The following DGKB variants were observed in gnomAD, a reference collection of about 807,000 sequenced individuals.
DGKB encodes 90 kDa diacylglycerol kinase.
Under a neutral mutation model 114.3 loss-of-function variants are expected in DGKB, and 67 were observed. That is an observed-to-expected ratio of 0.59 (90% CI 0.48 to 0.72). The LOEUF (loss-of-function observed/expected upper bound fraction) is 0.72. Ranked by LOEUF, DGKB falls within the 30% of genes least tolerant of loss-of-function variation. The probability of loss-of-function intolerance (pLI) is 0.00; values close to 1 mark genes in which losing one functional copy is unlikely to be tolerated. For synonymous variants in DGKB, 398 were observed against 323.1 expected (o/e 1.23, Z -2.49); for missense variants, 907 against 975.2 (o/e 0.93, Z 0.93).
chr7:14,779,209 G>A (rs1245838853), intron 2 of DGKB, among the ~76,000 whole-genome samples: 1 of 152,036 alleles, frequency 6.6e-6, no homozygotes, highest in Non-Finnish European at 1.5e-5. Flanking sequence ...AAGACACATA[G>A]TTGCCCTGTT....
Position 14,828,957 on chromosome 7 carries a change from C to T in DGKB, c.70+12237G>A, listed in dbSNP as rs141544621. Among the ~76,000 whole-genome samples, 20 of 152,110 alleles carry T rather than the reference C, an allele frequency of 1.3e-4. 1 individual carries two copies. The highest frequency in any genetic ancestry group is 2.5e-4 in the Non-Finnish European group (17 of 67,990). On this transcript the variant is annotated intron_variant, in intron 2 of 25. Transcript: ENST00000402815. ...ACACATGTGGAGCCAGAACTTGCAA[C>T]CAGACTAATGTTGCTAAGCAAGAAT...
At chr7:14,498,976 A>G (rs1785712596) in intron 20 of DGKB, among the ~76,000 whole-genome samples, 1 of 151,676 alleles carries the variant, frequency 6.6e-6, no homozygotes, top group African/African-American at 2.4e-5. Flanking sequence ...GAAAGTATGA[A>G]GGTAAAGAGT....
At chr7:14,455,037 G>A (rs1028727792) in intron 21 of DGKB, among the ~76,000 whole-genome samples, 1 of 152,006 alleles carries the variant, frequency 6.6e-6, no homozygotes, top group Non-Finnish European at 1.5e-5. Context: ...GACATCAGAA[G>A]TGTCTCCTGG....
At chr7:14,929,578 C>A (rs1001188682) in intron 1 of DGKB, among the ~76,000 whole-genome samples, 1 of 151,676 alleles carries the variant, frequency 6.6e-6, no homozygotes, top group African/African-American at 2.4e-5. Flanking sequence ...TTATTTGTTT[C>A]GTTGTTGTTG....
At position 14,147,206 on chromosome 7, in the gene DGKB, G is replaced by T. The variant is rs1474211756; in HGVS notation, c.*1925C>A. ...AGATTTCTTTCTTTCTTTTGGTCTG[G>T]ATTACTCTTCTGCCAAACAACTTTT... On this transcript the variant is annotated 3_prime_UTR_variant, in exon 26 of 26. Coordinates refer to ENST00000402815, the MANE Select transcript of DGKB (RefSeq NM_001350709.2). The T allele has an allele frequency of 6.6e-6, 1 of 152,014 alleles. No homozygotes were observed. The highest frequency in any genetic ancestry group is 1.5e-5 in the Non-Finnish European group (1 of 67,982). The allele number at this position is 152,014 out of a possible 1,614,324, so 9.4% of individuals were successfully genotyped here. A position where few individuals can be genotyped will look rare whatever the true frequency, so the allele number is the denominator to read the frequency against.
At chr7:14,381,719 C>G (rs914167157) in intron 21 of DGKB, among the ~76,000 whole-genome samples, 1 of 152,184 alleles carries the variant, frequency 6.6e-6, no homozygotes, top group Admixed American at 6.5e-5. Flanking sequence ...AGTGCATCTA[C>G]CTGCCTCAGC....
intron 21 of DGKB, among the ~76,000 whole-genome samples, chr7:14,425,426 G>C (rs1827355483): frequency 6.6e-6 from 1 of 151,848 alleles, no homozygotes; most frequent in African/African-American, 2.4e-5. Context: ...ATATCTAATT[G>C]AATTTACTAA....
At chr7:14,560,356 T>G (rs890624995) in intron 20 of DGKB, among the ~76,000 whole-genome samples, 1 of 152,172 alleles carries the variant, frequency 6.6e-6, no homozygotes, top group African/African-American at 2.4e-5. Flanking sequence ...TGATTAATAA[T>G]TTTCCATTTC....
chr7:14,830,189 A>C (rs1053740480), intron 2 of DGKB, among the ~76,000 whole-genome samples: 1 of 152,032 alleles, frequency 6.6e-6, no homozygotes, highest in African/African-American at 2.4e-5. Flanking sequence ...CCCATTAGAA[A>C]CAGCTAATCT....
At chr7:14,750,258 A>C in intron 4 of DGKB, 1 of 467,360 alleles carries the variant, frequency 2.1e-6, no homozygotes, top group Non-Finnish European at 4.3e-6. Context: ...ACATGGTATA[A>C]GGTAATTTCC....
At chr7:14,472,375 A>T (rs1486055231) in intron 21 of DGKB, among the ~76,000 whole-genome samples, 2 of 152,160 alleles carry the variant, frequency 1.3e-5, no homozygotes, top group Non-Finnish European at 2.9e-5. Flanking sequence ...GCCTGCCACC[A>T]TCCACGTACA....
chr7:14,694,614 C>T (rs997890374), intron 8 of DGKB, among the ~76,000 whole-genome samples: 1 of 152,124 alleles, frequency 6.6e-6, no homozygotes, highest in African/African-American at 2.4e-5. Flanking sequence ...AATTTAGTTG[C>T]TTTTAATTGC....
intron 1 of DGKB, among the ~76,000 whole-genome samples, chr7:14,970,238 T>TTC (rs1289505749): frequency 6.6e-6 from 1 of 152,144 alleles, no homozygotes. Context: ...TGATGAACTA[T>TTC]CACCATCACA....
At chr7:14,247,368 A>G (rs2128382104) in intron 23 of DGKB, among the ~76,000 whole-genome samples, 1 of 152,278 alleles carries the variant, frequency 6.6e-6, no homozygotes, top group South Asian at 2.1e-4. Context: ...ATATGTACCC[A>G]GCATTTAGAT....
chr7:14,912,821 C>T (rs1459718559), intron 1 of DGKB, among the ~76,000 whole-genome samples: 2 of 152,118 alleles, frequency 1.3e-5, no homozygotes. Context: ...GTGTCCCATA[C>T]GTCTACCTCT....
chr7:14,459,669 CT>C (rs1460706674), intron 21 of DGKB, among the ~76,000 whole-genome samples: 1 of 152,206 alleles, frequency 6.6e-6, no homozygotes, highest in Non-Finnish European at 1.5e-5. Context: ...TTGAAAAACA[CT>C]CTTCAGGATA....
chr7:14,292,415 C>A (rs1452487626), intron 23 of DGKB, among the ~76,000 whole-genome samples: 1 of 152,168 alleles, frequency 6.6e-6, no homozygotes, highest in Non-Finnish European at 1.5e-5. Context: ...TACTCCCATT[C>A]TGTGTCAGCT....
intron 21 of DGKB, among the ~76,000 whole-genome samples, chr7:14,404,849 C>A (rs896582216): frequency 3.3e-5 from 5 of 151,810 alleles, no homozygotes; most frequent in African/African-American, 1.2e-4. Context: ...GGCTGCTCTT[C>A]TTCTACTTCC....
intron 4 of DGKB, among the ~76,000 whole-genome samples, chr7:14,746,060 A>C (rs1833238944): frequency 6.6e-6 from 1 of 152,176 alleles, no homozygotes; most frequent in African/African-American, 2.4e-5. Context: ...GAAATCATTC[A>C]TTCAGGCTGG....
Sources: gnomAD v4.1 joint callset for allele counts (sites outside exome capture counted in the v4.1 genomes callset) on GRCh38, gnomAD v4.1.1 for gene constraint, MANE v1.5 for transcripts, NCBI Gene and HGNC (gene_info 2026-07-23, HGNC 2026-07-21) for gene names.